Variants in CCDC50 observed in about 807,000 individuals in gnomAD.
CCDC50 encodes the protein coiled-coil domain-containing protein 50.
CCDC50 carries 54 observed loss-of-function variants against 70.2 expected under a neutral mutation model. The observed-to-expected ratio is 0.77, with a 90% CI of 0.62 to 0.96. CCDC50 has a LOEUF of 0.96. Among genes scored for constraint, CCDC50 ranks in the 50% least tolerant of loss-of-function variants. CCDC50 has a pLI of 0.00. For synonymous variants in CCDC50, 216 were observed against 198.8 expected (o/e 1.09, Z -0.73); for missense variants, 558 against 578.7 (o/e 0.96, Z 0.37).
rs1158138217 is a variant in CCDC50 at position 191,351,457 on chromosome 3, G to T, written c.50-5631G>T. Among the ~76,000 whole-genome samples, 2 of 140,860 alleles carry T rather than the reference G, an allele frequency of 1.4e-5. 1 individual carries two copies. Among genetic ancestry groups the T allele is most frequent in the Non-Finnish European group, 3.2e-5 (2 of 62,700 alleles). The allele number at this position is 140,860 out of a possible 152,430, so 92.4% of individuals were successfully genotyped here. ...GATTGCCAAGGGGAGGGCAGACAAG[G>T]GTGTTACCTGTAGAAGGAGAACAAG... is the stretch of plus-strand genomic sequence containing the variant. On this transcript the variant is annotated intron_variant, in intron 1 of 11. Transcript: ENST00000392455.
chr3:191,341,086 C>A (rs541312039), intron 1 of CCDC50, among the ~76,000 whole-genome samples: 1 of 152,084 alleles, frequency 6.6e-6, no homozygotes, highest in South Asian at 2.1e-4. Flanking sequence ...TTAGCCTGCA[C>A]TGGGATCATT....
rs1476896639 is a variant in CCDC50, at chr3:191,347,048, G to A, written c.50-10040G>A. On this transcript the variant is annotated intron_variant, in intron 1 of 11. Transcript: ENST00000392455. ...TGCTCTAACCAATAAGGTGACTTTA[G>A]CAGGTCAGATATTTGTAAGAAGTTT... 2.1e-5 allele frequency among the ~76,000 whole-genome samples: 3 copies of A among 141,644 alleles called. 1 individual carries two copies. The highest frequency in any genetic ancestry group is 4.8e-5 in the Non-Finnish European group (3 of 62,920). The allele number at this position is 141,644 out of a possible 152,430, so 92.9% of individuals were successfully genotyped here.
intron 1 of CCDC50, among the ~76,000 whole-genome samples, chr3:191,346,737 A>G (rs1245375219): frequency 6.6e-6 from 1 of 152,188 alleles, no homozygotes; most frequent in Non-Finnish European, 1.5e-5. Flanking sequence ...ACCTCTGGTT[A>G]TTGGAAAAAT....
chr3:191,371,091 C>T (rs188569438), intron 5 of CCDC50, among the ~76,000 whole-genome samples: 136 of 152,110 alleles, frequency 8.9e-4, no homozygotes, highest in African/African-American at 3.1e-3. Flanking sequence ...AAACCTAGGC[C>T]GATGGTTTAG....
intron 2 of CCDC50, 27 bp from the exon 3 acceptor site, chr3:191,357,971 T>C: frequency 6.2e-7 from 1 of 1,613,786 alleles, no homozygotes; most frequent in South Asian, 1.1e-5. Context: ...ACATTATTCA[T>C]TCCTGTCCTC....
intron 5 of CCDC50, among the ~76,000 whole-genome samples, chr3:191,371,512 C>T (rs1453720559): frequency 1.3e-5 from 2 of 152,170 alleles, no homozygotes; most frequent in Non-Finnish European, 2.9e-5. Context: ...AAGGGCCTTG[C>T]AAACCAGTCA....
chr3:191,380,306 T>C lies in CCDC50; in HGVS notation c.1092+32T>C, dbSNP rs556149503. Reference sequence around the variant, plus strand: ...AAATTTTAAGGCAAAAGTTTAGATATATTGATGGGTATTTTTTTTGTGAAT... The same window carrying C: ...AAATTTTAAGGCAAAAGTTTAGATACATTGATGGGTATTTTTTTTGTGAAT... On this transcript the variant is annotated intron_variant, in intron 7 of 11. Transcript: ENST00000392455. 6 of 1,309,172 alleles carry C rather than the reference T, an allele frequency of 4.6e-6. No individual in the cohort carries two copies. In the Admixed American group the frequency reaches 8.5e-5, roughly 19 times the overall value. 81.1% of individuals were successfully genotyped at this position (1,309,172 alleles called of 1,614,324 possible). A position where few individuals can be genotyped will look rare whatever the true frequency, so the allele number is the denominator to read the frequency against.
Position 191,380,139 on chromosome 3 carries a change from G to GTTTTTTT in CCDC50, c.977-11_977-5dup. On this transcript the variant is annotated intron_variant, in intron 6 of 11. Transcript: ENST00000392455. Reference sequence around the variant, plus strand: ...ATCCTCGGTTGTTTTATTACATTGAGTTTTTTTTTTTTTTTAAAGGAATGA... The same window carrying GTTTTTTT: ...ATCCTCGGTTGTTTTATTACATTGAGTTTTTTTTTTTTTTTTTTTTTTAAAGGAATGA... 2 of 1,182,918 alleles carry GTTTTTTT rather than the reference G, an allele frequency of 1.7e-6. No individual in the cohort carries two copies. The highest frequency in any genetic ancestry group is 2.8e-5 in the South Asian group (2 of 72,492). 73.3% of individuals were successfully genotyped at this position (1,182,918 alleles called of 1,614,324 possible). A position where few individuals can be genotyped will look rare whatever the true frequency, so the allele number is the denominator to read the frequency against.
intron 1 of CCDC50, among the ~76,000 whole-genome samples, chr3:191,330,161 C>T (rs1411304055): frequency 6.6e-6 from 1 of 152,152 alleles, no homozygotes; most frequent in East Asian, 1.9e-4. Context: ...TGACTCTTTC[C>T]CTCCTTCTCT....
intron 1 of CCDC50, among the ~76,000 whole-genome samples, chr3:191,334,526 A>C (rs1718082004): frequency 6.6e-6 from 1 of 152,164 alleles, no homozygotes; most frequent in Non-Finnish European, 1.5e-5. Flanking sequence ...TTCCAGATGA[A>C]AATCCCAGGG....
At chr3:191,355,948 T>C (rs1010464759) in intron 1 of CCDC50, among the ~76,000 whole-genome samples, 3 of 152,198 alleles carry the variant, frequency 2.0e-5, no homozygotes, top group African/African-American at 7.2e-5. Flanking sequence ...TGAGTGTATA[T>C]GTGAACATAC....
At chr3:191,341,274 A>G (rs1191572506) in intron 1 of CCDC50, among the ~76,000 whole-genome samples, 1 of 152,194 alleles carries the variant, frequency 6.6e-6, no homozygotes, top group African/African-American at 2.4e-5. Context: ...AATAGGCTCT[A>G]TTTATTGAGC....
chr3:191,386,203 G>GT (rs1713488269), intron 10 of CCDC50, among the ~76,000 whole-genome samples: 2 of 133,520 alleles, frequency 1.5e-5, no homozygotes, highest in African/African-American at 6.3e-5. Flanking sequence ...GGATTGCTTT[G>GT]TTTAGTATGG....
intron 1 of CCDC50, among the ~76,000 whole-genome samples, chr3:191,347,007 A>G (rs1371066220): frequency 1.7e-5 from 2 of 119,918 alleles, no homozygotes; most frequent in Non-Finnish European, 3.9e-5. Flanking sequence ...GATTCTTGAT[A>G]CTCTTGACAG....
At chr3:191,374,987 C>G (rs113203739) in intron 5 of CCDC50, 75 bp from the exon 6 acceptor site, 17 of 1,447,776 alleles carry the variant, frequency 1.2e-5, no homozygotes, top group Middle Eastern at 2.3e-4. Flanking sequence ...CAGACTCCCC[C>G]CTGTGTAGTG....
chr3:191,331,907 G>A (rs1380138698), intron 1 of CCDC50, among the ~76,000 whole-genome samples: 1 of 152,188 alleles, frequency 6.6e-6, no homozygotes, highest in Non-Finnish European at 1.5e-5. Context: ...AGGGTTAGTA[G>A]TAGTAATTAG....
rs1713767599 is a variant in CCDC50, at chr3:191,393,611, T to C, written c.*1851T>C. On this transcript the variant is annotated 3_prime_UTR_variant, in exon 12 of 12. Transcript: ENST00000392455. ...AGAAAGATAATCTACATCCCTACTT[T>C]ATGTAGTCATTTTGGAGAAATGGAG... The C allele has an allele frequency of 6.6e-6, 1 of 152,208 alleles. No homozygotes were observed. The highest frequency in any genetic ancestry group is 1.5e-5 in the Non-Finnish European group (1 of 68,030). The allele number at this position is 152,208 out of a possible 1,614,324, so 9.4% of individuals were successfully genotyped here. A position where few individuals can be genotyped will look rare whatever the true frequency, so the allele number is the denominator to read the frequency against.
chr3:191,358,145 A>T (rs765426843), intron 3 of CCDC50, 21 bp downstream of exon 3: 1 of 1,613,474 alleles, frequency 6.2e-7, no homozygotes, highest in South Asian at 1.1e-5. Flanking sequence ...GGGAGGTGGG[A>T]GGGGTGATGC....
At chr3:191,364,349 G>A (rs899822425) in intron 4 of CCDC50, among the ~76,000 whole-genome samples, 2 of 151,292 alleles carry the variant, frequency 1.3e-5, no homozygotes, top group Non-Finnish European at 2.9e-5. Flanking sequence ...TTATAGGTAC[G>A]AGCCACCGCG....
Sources: allele counts gnomAD v4.1 joint callset (sites outside exome capture counted in the v4.1 genomes callset), GRCh38; gene constraint gnomAD v4.1.1; transcripts MANE v1.5; gene names NCBI Gene and HGNC (gene_info 2026-07-23, HGNC 2026-07-21).